Variants in CDC42SE2 observed in about 807,000 individuals in gnomAD.
The protein encoded by CDC42SE2 is CDC42 small effector 2, also known as CDC42 small effector protein 2.
In CDC42SE2, 3 loss-of-function variants were observed where a neutral mutation model predicts 11.5. The observed-to-expected ratio is 0.26, with a 90% CI of 0.12 to 0.67. CDC42SE2 has a LOEUF of 0.67. Ranked by LOEUF, CDC42SE2 falls within the 30% of genes least tolerant of loss-of-function variation. CDC42SE2 has a pLI of 0.80. For synonymous variants in CDC42SE2, 33 were observed against 34.8 expected (o/e 0.95, Z 0.18); for missense variants, 82 against 106.8 (o/e 0.77, Z 1.02).
At chr5:131,376,095 T>A (rs1750145200) in intron 3 of CDC42SE2, among the ~76,000 whole-genome samples, 1 of 151,936 alleles carries the variant, frequency 6.6e-6, no homozygotes, top group Non-Finnish European at 1.5e-5. Flanking sequence ...AAAAATTAGA[T>A]GGGCATGGTG....
At chr5:131,301,769 A>AG (rs924537107) in intron 1 of CDC42SE2, among the ~76,000 whole-genome samples, 1 of 151,904 alleles carries the variant, frequency 6.6e-6, no homozygotes, top group African/African-American at 2.4e-5. Context: ...AAAAAAAAAA[A>AG]AAATTAAAAA....
rs533949759 is a variant in CDC42SE2 at position 131,267,388 on chromosome 5, A to G, written c.-455+3222A>G. 2.0e-4 allele frequency among the ~76,000 whole-genome samples: 31 copies of G among 151,996 alleles called. No homozygotes were observed. The South Asian group carries it at 6.4e-3, about 32-fold the overall frequency. On this transcript the variant is annotated intron_variant, in intron 1 of 4. Transcript: ENST00000505065. ...TTTTTTTTTGTACCTTAAAAATACT[A>G]GTGTTTTCAAAGTATTGTTCCTTCC... is the stretch of plus-strand genomic sequence containing the variant.
chr5:131,317,521 G>T (rs550962992), intron 2 of CDC42SE2, among the ~76,000 whole-genome samples: 3 of 151,954 alleles, frequency 2.0e-5, no homozygotes, highest in Admixed American at 6.6e-5. Flanking sequence ...GTGTGTTTTG[G>T]GGGAGGTGGA....
At chr5:131,226,114 A>C in the CDC42SE2 span, among the ~76,000 whole-genome samples, 1 of 152,200 alleles carries the variant, frequency 6.6e-6, no homozygotes, top group Non-Finnish European at 1.5e-5. Flanking sequence ...TAATTGCCAA[A>C]GACAGGATGG....
At chr5:131,289,543 C>T (rs926314372) in intron 1 of CDC42SE2, among the ~76,000 whole-genome samples, 7 of 151,822 alleles carry the variant, frequency 4.6e-5, no homozygotes, top group African/African-American at 1.5e-4. Flanking sequence ...CGTGGTGGCA[C>T]GCGCCTGTAG....
intron 2 of CDC42SE2, among the ~76,000 whole-genome samples, chr5:131,320,008 G>A (rs1239627727): frequency 1.5e-5 from 2 of 136,932 alleles, no homozygotes; most frequent in African/African-American, 5.5e-5. Flanking sequence ...CGGAGATCGC[G>A]CCACTGCACT....
intron 1 of CDC42SE2, among the ~76,000 whole-genome samples, chr5:131,311,352 T>C (rs1393934243): frequency 4.6e-5 from 7 of 152,102 alleles, no homozygotes; most frequent in Non-Finnish European, 1.0e-4. Context: ...GTAACCCGAC[T>C]TTTCTCTCTG....
At chr5:131,226,141 T>G in the CDC42SE2 span, among the ~76,000 whole-genome samples, 1 of 152,214 alleles carries the variant, frequency 6.6e-6, no homozygotes. Flanking sequence ...TTGACACAAT[T>G]GGTGGCGAAG....
At chr5:131,273,722 A>G (rs1353448084) in intron 1 of CDC42SE2, among the ~76,000 whole-genome samples, 4 of 151,406 alleles carry the variant, frequency 2.6e-5, no homozygotes, top group Admixed American at 6.6e-5. Flanking sequence ...GCAGTGAGCC[A>G]AGATCGCACC....
chr5:131,230,807 C>T, the CDC42SE2 span, among the ~76,000 whole-genome samples: 143 of 152,264 alleles, frequency 9.4e-4, no homozygotes, highest in South Asian at 1.5e-3. Flanking sequence ...CGTTTGTTTA[C>T]GTTTTCTGCA....
At chr5:131,272,644 A>G (rs1308065918) in intron 1 of CDC42SE2, among the ~76,000 whole-genome samples, 4 of 152,080 alleles carry the variant, frequency 2.6e-5, no homozygotes, top group Admixed American at 6.6e-5. Context: ...TTTCTACTGG[A>G]TTATCCCTAT....
At chr5:131,212,956 C>A in the CDC42SE2 span, among the ~76,000 whole-genome samples, 1 of 152,184 alleles carries the variant, frequency 6.6e-6, no homozygotes, top group Admixed American at 6.5e-5. Flanking sequence ...TTTGGAAGGC[C>A]AAGGTGGGTG....
At chr5:131,269,475 CAT>C (rs1756946536) in intron 1 of CDC42SE2, among the ~76,000 whole-genome samples, 2 of 152,050 alleles carry the variant, frequency 1.3e-5, no homozygotes, top group South Asian at 4.1e-4. Context: ...TGTACTAAAA[CAT>C]AAAATTATTG....
chr5:131,373,089 T>G (rs1236320517), intron 3 of CDC42SE2, among the ~76,000 whole-genome samples: 8 of 152,214 alleles, frequency 5.3e-5, no homozygotes. Flanking sequence ...CAATATTTTG[T>G]TCTCATTTGA....
At chr5:131,310,989 G>C (rs994336965) in intron 1 of CDC42SE2, among the ~76,000 whole-genome samples, 1 of 149,744 alleles carries the variant, frequency 6.7e-6, no homozygotes, top group Non-Finnish European at 1.5e-5. Flanking sequence ...TCATTATGAT[G>C]TTAGCTGGTT....
rs183119598 is a variant in CDC42SE2 at position 131,245,887 on chromosome 5, A to G, written n.107+288A>G. Among the ~76,000 whole-genome samples the G allele has an allele frequency of 2.9e-3, 436 of 152,306 alleles. 7 individuals are homozygous for G. Among genetic ancestry groups the G allele is most frequent in the Non-Finnish European group, 3.2e-3 (217 of 68,014 alleles). On this transcript the variant is annotated intron_variant and non_coding_transcript_variant, in intron 1 of 3. Coordinates refer to the CDC42SE2 transcript ENST00000502840. Reference sequence around the variant, plus strand: ...GTCTATATAGTCTATTTTACAGTCTATGACAGCTAAATGAATTCAATACTT... The same window carrying G: ...GTCTATATAGTCTATTTTACAGTCTGTGACAGCTAAATGAATTCAATACTT...
intron 2 of CDC42SE2, among the ~76,000 whole-genome samples, chr5:131,345,172 A>G (rs1758808988): frequency 6.6e-6 from 1 of 152,198 alleles, no homozygotes; most frequent in Non-Finnish European, 1.5e-5. Flanking sequence ...TTGAGAGAAG[A>G]AGGCTTCAGA....
chr5:131,386,424 T>G (rs764335600), intron 4 of CDC42SE2, among the ~76,000 whole-genome samples: 1 of 152,242 alleles, frequency 6.6e-6, no homozygotes, highest in Non-Finnish European at 1.5e-5. Flanking sequence ...GGTGATTTAT[T>G]TACTCTAAGT....
At chr5:131,298,145 C>T (rs1455012259) in intron 1 of CDC42SE2, among the ~76,000 whole-genome samples, 1 of 151,436 alleles carries the variant, frequency 6.6e-6, no homozygotes, top group East Asian at 1.9e-4. Flanking sequence ...TCTTGTTGCC[C>T]AGGCTGGAGT....
Sources: allele counts gnomAD v4.1 joint callset (sites outside exome capture counted in the v4.1 genomes callset), GRCh38; gene constraint gnomAD v4.1.1; transcripts MANE v1.5; gene names NCBI Gene and HGNC (gene_info 2026-07-23, HGNC 2026-07-21).